Variants in PCDH15 observed in about 807,000 individuals in gnomAD.
PCDH15 encodes protocadherin related 15, also known as protocadherin-15.
In PCDH15, 129 loss-of-function variants were observed where a neutral mutation model predicts 178.5. That is an observed-to-expected ratio of 0.72 (90% CI 0.63 to 0.84). The LOEUF (loss-of-function observed/expected upper bound fraction) is 0.84, where lower values mean the gene tolerates loss of function less well. Ranked by LOEUF, PCDH15 falls within the 40% of genes least tolerant of loss-of-function variation. PCDH15 has a pLI of 0.00. For synonymous variants in PCDH15, 800 were observed against 732.0 expected (o/e 1.09, Z -1.50); for missense variants, 2,230 against 2,099.9 (o/e 1.06, Z -1.21).
At position 54,346,403 on chromosome 10, in the gene PCDH15, G is replaced by T. The variant is rs1384677442; in HGVS notation, c.556C>A (p.Gln186Lys). Residue 186 changes from glutamine (Q) to lysine (K), a missense_variant, in exon 6 of 38, where the codon CAG becomes AAG. Physicochemically the swap from Gln to Lys is moderately conservative, Grantham distance 53. Coordinates refer to ENST00000644397, the MANE Select transcript of PCDH15 (RefSeq NM_001384140.1). ...ATDIDDGPNGQIEYVIQYNPD... is the reference protein window; with the variant it reads ...ATDIDDGPNGKIEYVIQYNPD... Reference sequence around the variant, plus strand: ...TTATACTGAATAACATACTCTATCTGTCCATTTGGTCCATCATCTATATCT... The same window carrying T: ...TTATACTGAATAACATACTCTATCTTTCCATTTGGTCCATCATCTATATCT... 2.5e-6 allele frequency: 4 copies of T among 1,613,132 alleles called. No individual in the cohort carries two copies. In the Admixed American group the frequency reaches 5.0e-5, roughly 20 times the overall value.
At chr10:54,779,462 G>GTGTATATATATACATATATA (rs1950085544) in intron 1 of PCDH15, among the ~76,000 whole-genome samples, 1 of 38,594 alleles carries the variant, frequency 2.6e-5, no homozygotes, top group Non-Finnish European at 6.7e-5. Context: ...TCATATATGT[G>GTGTATATATATACATATATA]TGTATATATA....
intron 2 of PCDH15, among the ~76,000 whole-genome samples, chr10:54,535,709 CAAAAAAAAAAA>C (rs71010382): frequency 2.3e-5 from 1 of 42,618 alleles, no homozygotes; most frequent in East Asian, 6.8e-4. Context: ...GACTCCACCT[CAAAAAAAAAAA>C]AAAAAAAAAA....
rs563461794 is a variant in PCDH15 at position 54,399,770 on chromosome 10, C to T, written c.158-20828G>A. Among the ~76,000 whole-genome samples the T allele has an allele frequency of 5.9e-5, 9 of 152,084 alleles. No individual in the cohort carries two copies. The East Asian group carries it at 7.8e-4, about 13-fold the overall frequency. On this transcript the variant is annotated intron_variant, in intron 3 of 37. Transcript: ENST00000644397. Reference sequence around the variant, plus strand: ...AGACGCTGGGCTGTGCAGCCACATCCGCGGGAACAGCAAAAGTTAGTGACC... The same window carrying T: ...AGACGCTGGGCTGTGCAGCCACATCTGCGGGAACAGCAAAAGTTAGTGACC...
intron 2 of PCDH15, among the ~76,000 whole-genome samples, chr10:55,099,122 G>A (rs1454981626): frequency 6.6e-6 from 1 of 151,782 alleles, no homozygotes; most frequent in Non-Finnish European, 1.5e-5. Flanking sequence ...TCATTTTTTT[G>A]AAGAGATGTT....
intron 5 of PCDH15, among the ~76,000 whole-genome samples, chr10:54,356,426 G>A (rs887075078): frequency 2.6e-5 from 4 of 151,762 alleles, no homozygotes; most frequent in Non-Finnish European, 4.4e-5. Flanking sequence ...AGTAGTAAGG[G>A]CTGAAGAAGT....
At chr10:54,077,235 G>A (rs532913371) in intron 17 of PCDH15, among the ~76,000 whole-genome samples, 1 of 152,222 alleles carries the variant, frequency 6.6e-6, no homozygotes, top group African/African-American at 2.4e-5. Flanking sequence ...TGAAACCTGA[G>A]TGATTATATG....
intron 2 of PCDH15, among the ~76,000 whole-genome samples, chr10:54,565,710 A>T (rs986208181): frequency 2.6e-5 from 4 of 152,162 alleles, no homozygotes; most frequent in African/African-American, 9.7e-5. Context: ...TTAAAAACTT[A>T]ATTTCTCGTG....
chr10:54,185,220 A>T lies in PCDH15; in HGVS notation c.1354T>A (p.Phe452Ile). ...HLFLNDYTSV[F>I]TVTQTGITRY... ...GTAATACCAGTCTGTGTGACGGTGA[A>T]GACTGAGGTGTAGTCATTCAGAAAA... Residue 452 changes from phenylalanine to isoleucine, a missense_variant, in exon 12 of 38, where the codon TTC becomes ATC. Physicochemically the swap from Phe to Ile is conservative, Grantham distance 21. Coordinates refer to ENST00000644397, the MANE Select transcript of PCDH15 (RefSeq NM_001384140.1). 6.2e-7 allele frequency: 1 copy of T among 1,613,716 alleles called. No individual in the cohort carries two copies.
intron 2 of PCDH15, among the ~76,000 whole-genome samples, chr10:55,593,133 T>C (rs879859740): frequency 6.6e-6 from 1 of 151,910 alleles, no homozygotes; most frequent in Non-Finnish European, 1.5e-5. Context: ...ATGAAATCCA[T>C]GCTTTTAAAA....
intron 1 of PCDH15, among the ~76,000 whole-genome samples, chr10:55,296,307 C>T (rs1046308524): frequency 6.6e-6 from 1 of 152,148 alleles, no homozygotes; most frequent in Admixed American, 6.6e-5. Context: ...TCTGTAGCCC[C>T]TCTCCTTCCC....
chr10:54,289,484 C>G (rs759215148), intron 8 of PCDH15, among the ~76,000 whole-genome samples: 1 of 152,178 alleles, frequency 6.6e-6, no homozygotes, highest in Non-Finnish European at 1.5e-5. Context: ...CAGAGTGCCT[C>G]TTCTCCTCCA....
At chr10:53,820,372 T>C in intron 32 of PCDH15, 142 bp from the exon 33 acceptor site, 1 of 390,014 alleles carries the variant, frequency 2.6e-6, no homozygotes, top group Non-Finnish European at 4.5e-6. Context: ...CTGTCTGATC[T>C]TGGTAACTAG....
chr10:55,249,675 G>A (rs1337686753), intron 1 of PCDH15, among the ~76,000 whole-genome samples: 4 of 152,078 alleles, frequency 2.6e-5, no homozygotes, highest in Admixed American at 2.0e-4. Flanking sequence ...ACTTTAATAT[G>A]TAGTAGTAAT....
intron 11 of PCDH15, among the ~76,000 whole-genome samples, chr10:54,187,024 T>C (rs1317829673): frequency 6.6e-6 from 1 of 151,956 alleles, no homozygotes; most frequent in East Asian, 1.9e-4. Flanking sequence ...GCCATTTGTT[T>C]TGTGTTCATC....
intron 26 of PCDH15, among the ~76,000 whole-genome samples, chr10:53,882,488 A>C (rs1174069118): frequency 6.6e-6 from 1 of 152,076 alleles, no homozygotes; most frequent in Non-Finnish European, 1.5e-5. Context: ...CAGCCTCTCA[A>C]ATAGCTAGGA....
chr10:53,960,804 T>C (rs889343782), intron 22 of PCDH15, among the ~76,000 whole-genome samples: 1 of 152,174 alleles, frequency 6.6e-6, no homozygotes, highest in African/African-American at 2.4e-5. Context: ...TGCTCACTGA[T>C]CCTTACGTGG....
At chr10:55,397,576 C>T (rs1183039073) in intron 2 of PCDH15, among the ~76,000 whole-genome samples, 1 of 151,846 alleles carries the variant, frequency 6.6e-6, no homozygotes, top group African/African-American at 2.4e-5. Flanking sequence ...ATTTTCCTGT[C>T]TCCTGTATAT....
At chr10:53,966,362 A>G (rs958338589) in intron 21 of PCDH15, among the ~76,000 whole-genome samples, 1 of 152,172 alleles carries the variant, frequency 6.6e-6, no homozygotes, top group Non-Finnish European at 1.5e-5. Context: ...AAAACATTTA[A>G]AAGTTTTTTT....
intron 2 of PCDH15, among the ~76,000 whole-genome samples, chr10:55,413,314 C>G (rs140471400): frequency 0.012 from 1,884 of 151,512 alleles, 49 homozygotes; most frequent in African/African-American, 0.044. Context: ...AAAGATTCCT[C>G]TTTTCATGGA....
Sources: gnomAD v4.1 joint callset for allele counts (sites outside exome capture counted in the v4.1 genomes callset) on GRCh38, gnomAD v4.1.1 for gene constraint, MANE v1.5 for transcripts, NCBI Gene and HGNC (gene_info 2026-07-23, HGNC 2026-07-21) for gene names.